ABCC4: variants seen among roughly 807,000 people sequenced by gnomAD.
ABCC4 encodes ATP-binding cassette sub-family C member 4.
ABCC4 carries 102 observed loss-of-function variants against 168.5 expected under a neutral mutation model. The observed-to-expected ratio is 0.61, with a 90% confidence interval of 0.52 to 0.71. ABCC4 has a LOEUF of 0.71. Ranked by LOEUF, ABCC4 falls within the 30% of genes least tolerant of loss-of-function variation. ABCC4 has a pLI of 0.00. For synonymous variants in ABCC4, 617 were observed against 590.7 expected (o/e 1.04, Z -0.65); for missense variants, 1,402 against 1,605.8 (o/e 0.87, Z 2.17).
intron 9 of ABCC4, 99 bp downstream of exon 9, chr13:95,194,737 G>T: frequency 1.2e-6 from 1 of 862,472 alleles, no homozygotes; most frequent in Non-Finnish European, 1.8e-6. Context: ...AAATAAGCAA[G>T]CCATATTTTA....
intron 1 of ABCC4, among the ~76,000 whole-genome samples, chr13:95,284,595 G>A (rs575888705): frequency 1.8e-3 from 267 of 152,290 alleles, no homozygotes; most frequent in Non-Finnish European, 2.9e-3. Context: ...CAGATGACAC[G>A]GCCTTTTCGG....
intron 19 of ABCC4, among the ~76,000 whole-genome samples, chr13:95,142,652 T>G (rs1418061595): frequency 6.6e-6 from 1 of 152,094 alleles, no homozygotes; most frequent in Non-Finnish European, 1.5e-5. Context: ...TAGTGATATC[T>G]AAGGTACACA....
In ABCC4 at chr13:95,283,360, GGTT is replaced by G. The variant is rs1429367760; in HGVS notation, c.74+17878_74+17880del. ...TAGAGCCACCTTGAAGTTTTTCTGT[GGTT>G]TTTTTTTTTTTTTTTTTTTTTTTTT... On this transcript the variant is annotated intron_variant, in intron 1 of 30. Coordinates refer to ENST00000645237, the MANE Select transcript of ABCC4 (RefSeq NM_005845.5). 1.6e-3 allele frequency among the ~76,000 whole-genome samples: 203 copies of G among 124,624 alleles called. 5 individuals carry two copies. Among genetic ancestry groups the G allele is most frequent in the Admixed American group, 0.014 (147 of 10,180 alleles). The allele number at this position is 124,624 out of a possible 152,430, so 81.8% of individuals were successfully genotyped here. A position where few individuals can be genotyped will look rare whatever the true frequency, so the allele number is the denominator to read the frequency against.
chr13:95,072,734 C>T (rs1022459769), intron 24 of ABCC4, among the ~76,000 whole-genome samples: 1 of 152,180 alleles, frequency 6.6e-6, no homozygotes, highest in Non-Finnish European at 1.5e-5. Flanking sequence ...AGAAGGCACA[C>T]CAGCAAAGTT....
intron 10 of ABCC4, among the ~76,000 whole-genome samples, chr13:95,187,512 A>C (rs2038106290): frequency 6.6e-6 from 1 of 152,198 alleles, no homozygotes; most frequent in African/African-American, 2.4e-5. Flanking sequence ...CTGAGGCATG[A>C]GAATCACTTG....
At chr13:95,225,720 G>A (rs1391270256) in intron 4 of ABCC4, among the ~76,000 whole-genome samples, 1 of 151,746 alleles carries the variant, frequency 6.6e-6, no homozygotes, top group Non-Finnish European at 1.5e-5. Context: ...CAGCACAAAT[G>A]CTACTTTGAA....
chr13:95,216,614 A>C (rs77565606), intron 4 of ABCC4, among the ~76,000 whole-genome samples: 69,473 of 135,888 alleles, frequency 0.51, 17,791 homozygotes, highest in Non-Finnish European at 0.55. Context: ...TTCACAAAAA[A>C]AAAAAAAAAA....
intron 19 of ABCC4, among the ~76,000 whole-genome samples, chr13:95,139,259 C>T (rs977401166): frequency 4.6e-5 from 7 of 152,212 alleles, no homozygotes; most frequent in Non-Finnish European, 2.9e-5. Flanking sequence ...ATGGGAACAT[C>T]ATTATGAGAA....
chr13:95,293,751 C>T (rs2041459343), intron 1 of ABCC4, among the ~76,000 whole-genome samples: 1 of 149,506 alleles, frequency 6.7e-6, no homozygotes, highest in Non-Finnish European at 1.5e-5. Flanking sequence ...AGGCATAAGC[C>T]ACCGCACCCA....
chr13:95,030,086 C>T (rs553781068), intron 30 of ABCC4, among the ~76,000 whole-genome samples: 2 of 152,130 alleles, frequency 1.3e-5, no homozygotes, highest in South Asian at 2.1e-4. Context: ...AGTCGTGTGA[C>T]GTAGGCTCAC....
At chr13:95,238,587 C>T (rs570753914) in intron 3 of ABCC4, among the ~76,000 whole-genome samples, 3 of 152,188 alleles carry the variant, frequency 2.0e-5, no homozygotes, top group Non-Finnish European at 4.4e-5. Context: ...TGGAGTTTCA[C>T]TCTTGTTGCG....
chr13:95,166,812 G>A (rs58234083), intron 14 of ABCC4, among the ~76,000 whole-genome samples: 1,877 of 152,252 alleles, frequency 0.012, 27 homozygotes, highest in African/African-American at 0.043. Flanking sequence ...CACTGGCCAT[G>A]GGCCCTGCTG....
intron 30 of ABCC4, among the ~76,000 whole-genome samples, chr13:95,032,049 G>C (rs1298884959): frequency 6.6e-6 from 1 of 152,130 alleles, no homozygotes; most frequent in African/African-American, 2.4e-5. Context: ...CGGGTTTTAT[G>C]AGGGAAGCTT....
Position 95,244,663 on chromosome 13 carries a change from A to AAGAG in ABCC4, c.306+2311_306+2312insCTCT, listed in dbSNP as rs58896948. ...AAAGAAAGAAAGAAAGAAAGAAAGA[A>AAGAG]AGAAAGAAATCATAGCAGTTCCTGG... is the stretch of plus-strand genomic sequence containing the variant. On this transcript the variant is annotated intron_variant, in intron 3 of 30. Transcript: ENST00000645237. Among the ~76,000 whole-genome samples, 2 of 20,378 alleles carry AAGAG rather than the reference A, an allele frequency of 9.8e-5. 1 individual carries two copies. 13.4% of individuals were successfully genotyped at this position (20,378 alleles called of 152,430 possible).
At chr13:95,257,486 T>C (rs1353106888) in intron 1 of ABCC4, among the ~76,000 whole-genome samples, 1 of 152,014 alleles carries the variant, frequency 6.6e-6, no homozygotes, top group African/African-American at 2.4e-5. Flanking sequence ...TGGCCAACAA[T>C]GGTGAAACCC....
Position 95,166,167 on chromosome 13 carries a change from C to T in ABCC4, c.2025G>A (p.Glu675=). ...CAGGAGGTGAACTCACATCTTGGCT[C>T]TCCAGAGCACCATCTTTCAAGGAGG... The part of the protein sequence containing the change: ...SRPSLKDGAL[E]SQDTENVPVT... Residue 675 remains glutamate, a synonymous_variant, in exon 15 of 31, where the codon GAG becomes GAA. Coordinates refer to ENST00000645237, the MANE Select transcript of ABCC4 (RefSeq NM_005845.5). The T allele has an allele frequency of 6.2e-7, 1 of 1,613,952 alleles. No individual in the cohort carries two copies. The highest frequency in any genetic ancestry group is 8.5e-7 in the Non-Finnish European group (1 of 1,179,866).
At chr13:95,181,090 G>A (rs374715761) in intron 11 of ABCC4, among the ~76,000 whole-genome samples, 3 of 152,188 alleles carry the variant, frequency 2.0e-5, no homozygotes, top group African/African-American at 4.8e-5. Flanking sequence ...TCTCATGCAC[G>A]TTAGGTACCA....
Position 95,100,814 on chromosome 13 carries a change from G to A in ABCC4, c.2535+15108C>T, listed in dbSNP as rs765121528. ...GAGATCTTTCAAATGACGGCAAGGC[G>A]ACCTAACTAACGATCTCTTTTGTCC... On this transcript the variant is annotated intron_variant, in intron 20 of 30. Coordinates refer to ENST00000645237, the MANE Select transcript of ABCC4 (RefSeq NM_005845.5). Among the ~76,000 whole-genome samples the A allele has an allele frequency of 2.2e-4, 33 of 152,278 alleles. No homozygotes were observed. In the South Asian group the frequency reaches 3.5e-3, roughly 16 times the overall value.
intron 16 of ABCC4, 62 bp downstream of exon 16, chr13:95,164,316 T>C (rs1257357393): frequency 3.8e-6 from 6 of 1,587,890 alleles, no homozygotes; most frequent in African/African-American, 2.7e-5. Context: ...GCAGTCATAA[T>C]AGCATAAACA....
Sources: gnomAD v4.1 joint callset for allele counts (sites outside exome capture counted in the v4.1 genomes callset) on GRCh38, gnomAD v4.1.1 for gene constraint, MANE v1.5 for transcripts, NCBI Gene and HGNC (gene_info 2026-07-23, HGNC 2026-07-21) for gene names.